Variants in ADGRE3 observed in about 807,000 individuals in gnomAD.
ADGRE3 encodes the protein EGF-like module receptor 3.
Under a neutral mutation model 80.1 loss-of-function variants are expected in ADGRE3, and 88 were observed. The ratio of observed to expected loss-of-function variants is 1.10; its 90% CI spans 0.93 to 1.31. The LOEUF (loss-of-function observed/expected upper bound fraction) is 1.31, where lower values mean the gene tolerates loss of function less well. Among genes scored for constraint, ADGRE3 ranks in the 40% most tolerant of loss-of-function variants. The pLI, the probability that ADGRE3 is intolerant of heterozygous loss-of-function variation, is 0.00. For synonymous variants in ADGRE3, 281 were observed against 294.8 expected (o/e 0.95, Z 0.48); for missense variants, 715 against 776.5 (o/e 0.92, Z 0.94).
intron 6 of ADGRE3, among the ~76,000 whole-genome samples, chr19:14,653,949 T>TTG (rs200891031): frequency 0.025 from 1,479 of 59,310 alleles, 10 homozygotes; most frequent in African/African-American, 0.032. Flanking sequence ...GTGTGTGTTT[T>TTG]TTTTTTTTTT....
intron 14 of ADGRE3, among the ~76,000 whole-genome samples, chr19:14,627,378 T>C (rs1292372647): frequency 6.6e-6 from 1 of 152,052 alleles, no homozygotes; most frequent in African/African-American, 2.4e-5. Context: ...TCTGGGGTAG[T>C]TTCTTTTGTT....
the ADGRE3 span, among the ~76,000 whole-genome samples, chr19:14,600,836 G>A: frequency 2.7e-5 from 4 of 146,766 alleles, no homozygotes; most frequent in Admixed American, 7.0e-5. Context: ...TGATCTGCCC[G>A]CCTCGGCCTC....
chr19:14,671,617 C>T (rs1972259307), intron 1 of ADGRE3, among the ~76,000 whole-genome samples: 1 of 151,988 alleles, frequency 6.6e-6, no homozygotes, highest in Non-Finnish European at 1.5e-5. Context: ...TCTGGGGGGA[C>T]TGTTATTTTT....
downstream of ADGRE3, among the ~76,000 whole-genome samples, chr19:14,618,846 CAAAA>C (rs771965258): frequency 8.1e-5 from 5 of 61,946 alleles, no homozygotes; most frequent in African/African-American, 3.3e-4. Context: ...AACTCCATCT[CAAAA>C]AAAAAAAAAA....
intron 10 of ADGRE3, among the ~76,000 whole-genome samples, chr19:14,639,926 T>C (rs1201530166): frequency 6.6e-6 from 1 of 152,216 alleles, no homozygotes; most frequent in Non-Finnish European, 1.5e-5. Flanking sequence ...AGCTCTCTTG[T>C]ATTTATTCTT....
At chr19:14,621,445 ACT>A (rs1970605439) in intron 15 of ADGRE3, among the ~76,000 whole-genome samples, 1 of 150,744 alleles carries the variant, frequency 6.6e-6, no homozygotes, top group African/African-American at 2.4e-5. Context: ...ATAGAGTGAG[ACT>A]CTGTCTCAGA....
the ADGRE3 span, among the ~76,000 whole-genome samples, chr19:14,613,755 G>A: frequency 1.3e-5 from 2 of 151,876 alleles, no homozygotes; most frequent in Non-Finnish European, 2.9e-5. Context: ...GCATGATCTC[G>A]GCTCACTGCA....
intron 5 of ADGRE3, among the ~76,000 whole-genome samples, chr19:14,655,466 T>C (rs1190600419): frequency 6.6e-6 from 1 of 152,074 alleles, no homozygotes; most frequent in East Asian, 1.9e-4. Context: ...GTCACTATTA[T>C]TATTTTTGAG....
the ADGRE3 span, among the ~76,000 whole-genome samples, chr19:14,603,265 G>C: frequency 1.3e-5 from 2 of 152,114 alleles, no homozygotes; most frequent in Admixed American, 1.3e-4. Flanking sequence ...CAAGGTGGAA[G>C]GGAGCACACA....
At chr19:14,634,223 T>C (rs1392453259) in intron 11 of ADGRE3, among the ~76,000 whole-genome samples, 2 of 152,146 alleles carry the variant, frequency 1.3e-5, no homozygotes, top group African/African-American at 4.8e-5. Context: ...ATTTTTATGA[T>C]TAAAATGAAA....
downstream of ADGRE3, among the ~76,000 whole-genome samples, chr19:14,617,393 T>TCTTTCTTTCTTTCTTTCTTTCTTTCTTC (rs1360808243): frequency 1.4e-5 from 2 of 141,854 alleles, no homozygotes; most frequent in South Asian, 2.3e-4. Context: ...TTTCTTTCTT[T>TCTTTCTTTCTTTCTTTCTTTCTTTCTTC]CTTTCTTTTC....
downstream of ADGRE3, among the ~76,000 whole-genome samples, chr19:14,617,712 C>A (rs2075090871): frequency 6.6e-6 from 1 of 151,942 alleles, no homozygotes; most frequent in Non-Finnish European, 1.5e-5. Context: ...CCTCTCTTTT[C>A]TTCCAAAATT....
chr19:14,664,775 T>C (rs566305255), intron 2 of ADGRE3, among the ~76,000 whole-genome samples: 2 of 152,198 alleles, frequency 1.3e-5, no homozygotes, highest in South Asian at 4.2e-4. Flanking sequence ...GATCGTGGTA[T>C]ATGTTAAGGT....
chr19:14,635,086 G>A (rs1971000758), intron 11 of ADGRE3, among the ~76,000 whole-genome samples: 1 of 151,898 alleles, frequency 6.6e-6, no homozygotes, highest in South Asian at 2.1e-4. Context: ...CCTCGTCATT[G>A]TTTATTTTAT....
chr19:14,620,008 G>T, intron 15 of ADGRE3, among the ~76,000 whole-genome samples: 1 of 152,036 alleles, frequency 6.6e-6, no homozygotes. Flanking sequence ...TGGTATTTAT[G>T]GTTCATTCAT....
chr19:14,625,458 TA>T, intron 15 of ADGRE3, 33 bp downstream of exon 15: 2 of 1,350,666 alleles, frequency 1.5e-6, no homozygotes, highest in Non-Finnish European at 1.1e-6. Context: ...GAGGAGTATG[TA>T]AAACATTAGA....
rs768312197 is a variant in ADGRE3 at position 14,647,313 on chromosome 19, A to C, written c.750T>G (p.Asn250Lys). 1.2e-6 allele frequency: 2 copies of C among 1,613,102 alleles called. No homozygotes were observed. Among genetic ancestry groups the C allele is most frequent in the South Asian group, 2.2e-5 (2 of 91,048 alleles). ...ISYSSLGNII[N>K]ATFFEEMDKK... Reference sequence around the variant, plus strand: ...TATCCATCTCTTCAAAAAAAGTTGCATTTATGATGTTTCCAAGAGAAGAAT... The same window carrying C: ...TATCCATCTCTTCAAAAAAAGTTGCCTTTATGATGTTTCCAAGAGAAGAAT... The change falls in exon 8 of 16, where the codon AAT becomes AAG. Residue 250 changes from asparagine (N) to lysine (K), a missense_variant. Transcript: ENST00000253673.
downstream of ADGRE3, among the ~76,000 whole-genome samples, chr19:14,614,582 C>CT (rs879921980): frequency 1.6e-3 from 227 of 143,926 alleles, no homozygotes; most frequent in African/African-American, 4.1e-3. Context: ...GCCCGCCAAT[C>CT]TTTTTTTTTT....
At chr19:14,600,480 C>A in the ADGRE3 span, among the ~76,000 whole-genome samples, 1 of 152,164 alleles carries the variant, frequency 6.6e-6, no homozygotes, top group African/African-American at 2.4e-5. Context: ...TTTTATGTTT[C>A]AGGTTGCATT....
Sources: gnomAD v4.1 joint callset for allele counts (sites outside exome capture counted in the v4.1 genomes callset) on GRCh38, gnomAD v4.1.1 for gene constraint, MANE v1.5 for transcripts, NCBI Gene and HGNC (gene_info 2026-07-23, HGNC 2026-07-21) for gene names.